The following FHOD3 variants were observed in gnomAD, a reference collection of about 807,000 sequenced individuals.
FHOD3 encodes FH1/FH2 domain-containing protein 3.
In FHOD3, 90 loss-of-function variants were observed where a neutral mutation model predicts 173.0. The observed-to-expected ratio is 0.52, with a 90% confidence interval of 0.44 to 0.62. FHOD3 has a LOEUF of 0.62. Among genes scored for constraint, FHOD3 ranks in the 20% least tolerant of loss-of-function variants. FHOD3 has a pLI of 0.00. For synonymous variants in FHOD3, 828 were observed against 823.0 expected, an observed-to-expected ratio of 1.01 and a Z score of -0.10; for missense variants, 1,945 against 2,034.7, an observed-to-expected ratio of 0.96 and a Z score of 0.85.
chr18:36,345,207 T>C (rs1196722184), intron 1 of FHOD3, among the ~76,000 whole-genome samples: 2 of 127,858 alleles, frequency 1.6e-5, no homozygotes, highest in Non-Finnish European at 3.2e-5. Flanking sequence ...ATACAGAGTA[T>C]GTTTTTTTTT....
In FHOD3 at chr18:36,670,644, G is replaced by A. The variant is rs145162378; in HGVS notation, c.1836-10792G>A. ...TTCTCCCCAACTAATTCTATCATCT[G>A]TGTCATTTCTGGATTGGTTTCAAAT... On this transcript the variant is annotated intron_variant, in intron 14 of 28. Transcript: ENST00000590592. Among the ~76,000 whole-genome samples, 10 of 152,154 alleles carry A rather than the reference G, an allele frequency of 6.6e-5. No homozygotes were observed. The East Asian group carries it at 1.9e-3, about 29-fold the overall frequency.
intron 2 of FHOD3, among the ~76,000 whole-genome samples, chr18:36,358,004 A>G (rs992302629): frequency 2.0e-5 from 3 of 152,210 alleles, no homozygotes; most frequent in Admixed American, 1.3e-4. Context: ...GCCAGGTACT[A>G]TATTAGGCTC....
intron 3 of FHOD3, among the ~76,000 whole-genome samples, chr18:36,425,959 G>A (rs2050220320): frequency 6.6e-6 from 1 of 150,650 alleles, no homozygotes; most frequent in South Asian, 2.1e-4. Flanking sequence ...GGAGTGCAGT[G>A]GCGCGATCTT....
chr18:36,525,060 C>T (rs966639929), intron 5 of FHOD3, among the ~76,000 whole-genome samples: 48 of 152,290 alleles, frequency 3.2e-4, no homozygotes, highest in African/African-American at 1.1e-3. Context: ...TTCTTTCCCC[C>T]AGTTTAGACC....
chr18:36,680,710 C>A (rs1340671662), intron 14 of FHOD3, among the ~76,000 whole-genome samples: 1 of 152,224 alleles, frequency 6.6e-6, no homozygotes, highest in East Asian at 1.9e-4. Context: ...TGTCCTTTGA[C>A]CATGCTGAGT....
intron 3 of FHOD3, among the ~76,000 whole-genome samples, chr18:36,447,389 T>G (rs1770932568): frequency 6.6e-6 from 1 of 152,158 alleles, no homozygotes; most frequent in Non-Finnish European, 1.5e-5. Flanking sequence ...GGACATGACG[T>G]GTGATTGGGC....
chr18:36,445,727 C>T (rs771321470), intron 3 of FHOD3, among the ~76,000 whole-genome samples: 1 of 152,072 alleles, frequency 6.6e-6, no homozygotes, highest in African/African-American at 2.4e-5. Flanking sequence ...AAGGTTTGGG[C>T]CTCTGTCTCA....
intron 1 of FHOD3, among the ~76,000 whole-genome samples, chr18:36,350,936 T>C (rs368308366): frequency 1.1e-4 from 16 of 152,222 alleles, no homozygotes; most frequent in African/African-American, 3.9e-4. Flanking sequence ...CATCCCCACA[T>C]ATTTAGGGAC....
At chr18:36,593,849 A>G (rs1568468902) in intron 6 of FHOD3, among the ~76,000 whole-genome samples, 1 of 152,214 alleles carries the variant, frequency 6.6e-6, no homozygotes, top group African/African-American at 2.4e-5. Context: ...GGATGGGGCC[A>G]CTGACAAGCC....
intron 9 of FHOD3, among the ~76,000 whole-genome samples, chr18:36,620,727 C>A (rs1478042343): frequency 1.3e-5 from 2 of 152,230 alleles, no homozygotes; most frequent in African/African-American, 4.8e-5. Context: ...CCTTAAGGGG[C>A]AGATGCCCTG....
At chr18:36,763,988 A>G (rs1393265543) in intron 27 of FHOD3, among the ~76,000 whole-genome samples, 2 of 152,224 alleles carry the variant, frequency 1.3e-5, no homozygotes. Flanking sequence ...AGAAAATAAT[A>G]TTATGCTTTG....
intron 5 of FHOD3, among the ~76,000 whole-genome samples, chr18:36,552,908 G>A (rs2057720177): frequency 6.6e-6 from 1 of 152,094 alleles, no homozygotes; most frequent in African/African-American, 2.4e-5. Context: ...GTTTTCAAAG[G>A]GAATGCTTCC....
intron 7 of FHOD3, among the ~76,000 whole-genome samples, chr18:36,601,452 C>T (rs1460350389): frequency 1.3e-5 from 2 of 152,162 alleles, no homozygotes; most frequent in African/African-American, 2.4e-5. Flanking sequence ...TTCAGCTTAA[C>T]CCACTTCCTG....
At chr18:36,483,064 A>G (rs1470124654) in intron 3 of FHOD3, among the ~76,000 whole-genome samples, 1 of 152,172 alleles carries the variant, frequency 6.6e-6, no homozygotes, top group Non-Finnish European at 1.5e-5. Flanking sequence ...ATGCAGCTCC[A>G]AGGCTCCCCA....
At chr18:36,720,769 C>CTCCTCCTCCTCTTCCTCCTCCTCT (rs199549868) in intron 19 of FHOD3, among the ~76,000 whole-genome samples, 2 of 146,550 alleles carry the variant, frequency 1.4e-5, no homozygotes, top group Non-Finnish European at 3.0e-5. Context: ...GCTCCTTCTC[C>CTCCTCCTCCTCTTCCTCCTCCTCT]TCCTCCTCCT....
In FHOD3 at chr18:36,625,682, C is replaced by G; in HGVS notation, c.1129C>G (p.Pro377Ala). ...VQSIKSTLSA[P>A]TSPCSQSAPS... ...GAGCATCAAGAGCACCCTGTCGGCCCCCACCAGTCCCTGCTCCCAGTCAGC... is the reference window on the plus strand; with the variant it reads ...GAGCATCAAGAGCACCCTGTCGGCCGCCACCAGTCCCTGCTCCCAGTCAGC... The change falls in exon 10 of 29, where the codon CCC becomes GCC. Residue 377 changes from proline (P) to alanine (A), a missense_variant. Transcript: ENST00000590592. 6.2e-7 allele frequency: 1 copy of G among 1,611,486 alleles called. No homozygotes were observed. Among genetic ancestry groups the G allele is most frequent in the Non-Finnish European group, 8.5e-7 (1 of 1,178,556 alleles).
chr18:36,568,952 G>A (rs930528025), intron 5 of FHOD3, among the ~76,000 whole-genome samples: 2 of 152,132 alleles, frequency 1.3e-5, no homozygotes, highest in African/African-American at 4.8e-5. Flanking sequence ...CAGGAAGTAA[G>A]AGTGAACATT....
rs2046319785 is a variant in FHOD3, at chr18:36,355,519, A to G, written c.166-20A>G. 6.2e-7 allele frequency: 1 copy of G among 1,611,586 alleles called. No individual in the cohort carries two copies. The highest frequency in any genetic ancestry group is 8.5e-7 in the Non-Finnish European group (1 of 1,177,842). ...CCATCTGAGGAGCAGGTTGGGTATA[A>G]CAGGCTCTTTCTCTTGCAGCTGGAT... On this transcript the variant is annotated intron_variant, in intron 1 of 28. Coordinates refer to ENST00000590592, the MANE Select transcript of FHOD3 (RefSeq NM_001281740.3).
At chr18:36,779,203 C>A in intron 28 of FHOD3, 1 of 554,332 alleles carries the variant, frequency 1.8e-6, no homozygotes, top group Non-Finnish European at 3.2e-6. Context: ...CATCACTCCT[C>A]TCGGCCCTCC....
Sources: gnomAD v4.1 joint callset for allele counts (sites outside exome capture counted in the v4.1 genomes callset) on GRCh38, gnomAD v4.1.1 for gene constraint, MANE v1.5 for transcripts, NCBI Gene and HGNC (gene_info 2026-07-23, HGNC 2026-07-21) for gene names.